GPC5: variants seen among roughly 807,000 people sequenced by gnomAD.
The protein encoded by GPC5 is glypican 5.
Under a neutral mutation model 53.9 loss-of-function variants are expected in GPC5, and 47 were observed. The ratio of observed to expected loss-of-function variants is 0.87; its 90% CI spans 0.69 to 1.11. GPC5 has a LOEUF of 1.11. Among genes scored for constraint, GPC5 ranks in the 50% most tolerant of loss-of-function variants. The pLI, the probability that GPC5 is intolerant of heterozygous loss-of-function variation, is 0.00. For synonymous variants in GPC5, 286 were observed against 263.3 expected (o/e 1.09, Z -0.84); for missense variants, 748 against 713.1 (o/e 1.05, Z -0.56).
At chr13:91,845,413 T>G (rs1188222836) in intron 5 of GPC5, among the ~76,000 whole-genome samples, 1 of 152,196 alleles carries the variant, frequency 6.6e-6, no homozygotes, top group Non-Finnish European at 1.5e-5. Flanking sequence ...GCATTTCCAT[T>G]GTGAAATGAC....
chr13:92,396,510 T>TC (rs1003328144), intron 7 of GPC5, among the ~76,000 whole-genome samples: 2 of 151,758 alleles, frequency 1.3e-5, no homozygotes, highest in Admixed American at 6.6e-5. Context: ...TTTTTTTTTT[T>TC]CATCTTAATG....
intron 5 of GPC5, among the ~76,000 whole-genome samples, chr13:91,830,861 T>A (rs1270737828): frequency 7.9e-6 from 1 of 126,862 alleles, no homozygotes; most frequent in Non-Finnish European, 1.7e-5. Flanking sequence ...TATATCCTAT[T>A]ATATATAATA....
chr13:91,494,758 A>C (rs78532840), intron 2 of GPC5, among the ~76,000 whole-genome samples: 8,342 of 152,206 alleles, frequency 0.055, 316 homozygotes, highest in Non-Finnish European at 0.084. Context: ...AGGATACTAA[A>C]GTTCTTGCTT....
intron 7 of GPC5, among the ~76,000 whole-genome samples, chr13:92,470,253 A>T (rs1878856414): frequency 6.6e-6 from 1 of 152,154 alleles, no homozygotes; most frequent in Non-Finnish European, 1.5e-5. Context: ...ATTAATATGG[A>T]TATTTATTAT....
At position 92,041,204 on chromosome 13, in the gene GPC5, T is replaced by C. The variant is rs116908851; in HGVS notation, c.1402-103626T>C. 3.3e-3 allele frequency among the ~76,000 whole-genome samples: 497 copies of C among 152,308 alleles called. 9 individuals are homozygous for C. The highest frequency in any genetic ancestry group is 0.019 in the East Asian group (98 of 5,184). ...ATAGTAAAAGTGATTTCATTGTACA[T>C]CATTTCACAAATGCAAAAAGTTGCA... On this transcript the variant is annotated intron_variant, in intron 6 of 7. Coordinates refer to ENST00000377067, the MANE Select transcript of GPC5 (RefSeq NM_004466.6).
chr13:91,909,785 A>T (rs530701577), intron 6 of GPC5, among the ~76,000 whole-genome samples: 8 of 152,138 alleles, frequency 5.3e-5, no homozygotes, highest in Non-Finnish European at 1.0e-4. Flanking sequence ...AGAAACCCTT[A>T]GGAGGAGGGT....
chr13:92,183,385 T>C (rs1253150188), intron 7 of GPC5, among the ~76,000 whole-genome samples: 6 of 152,112 alleles, frequency 3.9e-5, no homozygotes, highest in Non-Finnish European at 8.8e-5. Flanking sequence ...TTTATGTAGA[T>C]ACATATGGTA....
chr13:91,875,819 T>C (rs1209685814), intron 5 of GPC5, among the ~76,000 whole-genome samples: 2 of 152,218 alleles, frequency 1.3e-5, no homozygotes, highest in African/African-American at 2.4e-5. Flanking sequence ...ATATTTTACA[T>C]AGCTACAGTG....
intron 6 of GPC5, among the ~76,000 whole-genome samples, chr13:91,935,939 A>G (rs1404959726): frequency 6.6e-6 from 1 of 151,974 alleles, no homozygotes; most frequent in African/African-American, 2.4e-5. Context: ...CTGAGCCTGG[A>G]GGAAGAAACC....
At chr13:92,407,965 C>T (rs1334895774) in intron 7 of GPC5, among the ~76,000 whole-genome samples, 1 of 152,290 alleles carries the variant, frequency 6.6e-6, no homozygotes, top group Admixed American at 6.5e-5. Flanking sequence ...TCACTTGGAA[C>T]CCATTAGCAT....
chr13:92,621,165 T>G (rs942574596), intron 7 of GPC5, among the ~76,000 whole-genome samples: 5 of 152,142 alleles, frequency 3.3e-5, no homozygotes, highest in African/African-American at 1.2e-4. Flanking sequence ...AGATAACGTT[T>G]TATGTAAGCA....
At chr13:92,798,516 G>T (rs1364438960) in intron 7 of GPC5, among the ~76,000 whole-genome samples, 3 of 151,850 alleles carry the variant, frequency 2.0e-5, no homozygotes, top group African/African-American at 7.3e-5. Context: ...AGTTTGCCAT[G>T]TGTGATAACC....
intron 7 of GPC5, among the ~76,000 whole-genome samples, chr13:92,360,254 G>A (rs751711225): frequency 9.9e-5 from 15 of 151,442 alleles, no homozygotes; most frequent in Admixed American, 2.6e-4. Context: ...GAATCTAGCC[G>A]CACATCAAAA....
chr13:92,644,976 A>G (rs895839815), intron 7 of GPC5, among the ~76,000 whole-genome samples: 1 of 152,158 alleles, frequency 6.6e-6, no homozygotes, highest in Admixed American at 6.5e-5. Flanking sequence ...TCTCAATAAT[A>G]TAGGTTTGGG....
intron 4 of GPC5, among the ~76,000 whole-genome samples, chr13:91,734,066 T>TTAC (rs2036762003): frequency 1.6e-4 from 24 of 151,830 alleles, no homozygotes; most frequent in African/African-American, 5.1e-4. Flanking sequence ...GAAGGCCTTT[T>TTAC]CTGCATCTGT....
chr13:92,510,362 G>T (rs966009524), intron 7 of GPC5, among the ~76,000 whole-genome samples: 2 of 152,166 alleles, frequency 1.3e-5, no homozygotes, highest in African/African-American at 4.8e-5. Context: ...TAAGATGCCA[G>T]TGGGTTAGAA....
At chr13:92,623,848 C>G (rs1224532052) in intron 7 of GPC5, among the ~76,000 whole-genome samples, 1 of 149,758 alleles carries the variant, frequency 6.7e-6, no homozygotes, top group African/African-American at 2.4e-5. Context: ...CTGATAGTGT[C>G]TATTTATTTA....
Position 92,510,084 on chromosome 13 carries a change from A to G in GPC5, c.1562-356198A>G, listed in dbSNP as rs1880510385. On this transcript the variant is annotated intron_variant, in intron 7 of 7. Coordinates refer to ENST00000377067, the MANE Select transcript of GPC5 (RefSeq NM_004466.6). ...CAAGGGTTACTTAGAAAAGAAACCAATACTATTTTTGATATATTATTAATG... is the reference window on the plus strand; with the variant it reads ...CAAGGGTTACTTAGAAAAGAAACCAGTACTATTTTTGATATATTATTAATG... 5 of 152,214 alleles carry G rather than the reference A, an allele frequency of 3.3e-5. No homozygotes were observed. In the South Asian group the frequency reaches 1.0e-3, roughly 32 times the overall value. 9.4% of individuals were successfully genotyped at this position (152,214 alleles called of 1,614,324 possible). A position where few individuals can be genotyped will look rare whatever the true frequency, so the allele number is the denominator to read the frequency against.
intron 7 of GPC5, among the ~76,000 whole-genome samples, chr13:92,392,298 G>A (rs145373701): frequency 3.6e-4 from 55 of 152,196 alleles, no homozygotes; most frequent in Non-Finnish European, 6.6e-4. Flanking sequence ...CTAAGCAATG[G>A]GGAAAAGGCT....
Sources: allele counts gnomAD v4.1 joint callset (sites outside exome capture counted in the v4.1 genomes callset), GRCh38; gene constraint gnomAD v4.1.1; transcripts MANE v1.5; gene names NCBI Gene and HGNC (gene_info 2026-07-23, HGNC 2026-07-21).